Variants in SEMA3A observed in about 807,000 individuals in gnomAD.
SEMA3A encodes semaphorin-3A.
A neutral mutation model predicts 97.9 loss-of-function variants in SEMA3A; 29 were observed. That is an observed-to-expected ratio of 0.30 (90% CI 0.22 to 0.40). SEMA3A has a LOEUF of 0.40. Among genes scored for constraint, SEMA3A ranks in the 10% least tolerant of loss-of-function variants. The pLI is 1.00. For synonymous variants in SEMA3A, 321 were observed against 323.7 expected (o/e 0.99, Z 0.09); for missense variants, 763 against 951.3 (o/e 0.80, Z 2.60).
intron 1 of SEMA3A, among the ~76,000 whole-genome samples, chr7:84,374,002 A>G (rs1056292365): frequency 3.3e-5 from 5 of 152,202 alleles, no homozygotes; most frequent in Non-Finnish European, 7.3e-5. Flanking sequence ...GAAAGGGCCC[A>G]GCTAAAAGAG....
At position 84,208,249 on chromosome 7, in the gene SEMA3A, G is replaced by C. The variant is rs567523989; in HGVS notation, c.-82-13581C>G. The stretch of plus-strand genomic sequence containing the variant: ...GGGCAGATCGTGAGGTCAGGAGATC[G>C]AGACCATCCTGGCTAACATGGTGAA... On this transcript the variant is annotated intron_variant, in intron 3 of 3. Transcript: ENST00000424555. Among the ~76,000 whole-genome samples, 9 of 152,006 alleles carry C rather than the reference G, an allele frequency of 5.9e-5. No individual in the cohort carries two copies. The East Asian group carries it at 1.6e-3, about 26-fold the overall frequency.
intron 3 of SEMA3A, among the ~76,000 whole-genome samples, chr7:84,238,916 C>A (rs992395174): frequency 6.6e-6 from 1 of 151,930 alleles, no homozygotes; most frequent in Non-Finnish European, 1.5e-5. Context: ...AGGGTTTTAC[C>A]ATGTTAGCCA....
At chr7:84,264,430 C>G (rs902980542) in intron 3 of SEMA3A, among the ~76,000 whole-genome samples, 1 of 152,072 alleles carries the variant, frequency 6.6e-6, no homozygotes, top group African/African-American at 2.4e-5. Context: ...AGCCAAGAGT[C>G]TATAACAAAA....
chr7:84,058,101 AAATATTTGC>A (rs144037904), intron 5 of SEMA3A, among the ~76,000 whole-genome samples: 7,678 of 152,194 alleles, frequency 0.05, 290 homozygotes, highest in East Asian at 0.19. Context: ...GTGGTATAAA[AAATATTTGC>A]TGCCAAGATC....
intron 3 of SEMA3A, among the ~76,000 whole-genome samples, chr7:84,243,743 T>C (rs905223804): frequency 6.6e-6 from 1 of 151,914 alleles, no homozygotes; most frequent in Non-Finnish European, 1.5e-5. Context: ...TTTAGTGCTA[T>C]AAATTTCCCT....
intron 2 of SEMA3A, among the ~76,000 whole-genome samples, chr7:84,318,490 T>C (rs1231898540): frequency 5.3e-5 from 8 of 151,254 alleles, no homozygotes; most frequent in Admixed American, 5.3e-4. Flanking sequence ...GCCCGGCTAA[T>C]TTTTTGTATT....
At chr7:84,116,683 A>G (rs1795444002) in intron 3 of SEMA3A, among the ~76,000 whole-genome samples, 1 of 152,146 alleles carries the variant, frequency 6.6e-6, no homozygotes, top group Non-Finnish European at 1.5e-5. Flanking sequence ...ATACATAAGG[A>G]GACATCGGGG....
At chr7:84,382,624 C>T (rs1350735439) in intron 1 of SEMA3A, among the ~76,000 whole-genome samples, 1 of 145,102 alleles carries the variant, frequency 6.9e-6, no homozygotes, top group East Asian at 2.1e-4. Flanking sequence ...TTTGGGAGGC[C>T]AAGGCGGGCA....
Position 83,958,284 on chromosome 7 carries a change from G to C in SEMA3A, c.*3087C>G, listed in dbSNP as rs959691946. Reference sequence around the variant, plus strand: ...CTGACTCTGGTTCTCAACATTTTATGAGCTTATGTTCCTTAACACCATATG... The same window carrying C: ...CTGACTCTGGTTCTCAACATTTTATCAGCTTATGTTCCTTAACACCATATG... On this transcript the variant is annotated 3_prime_UTR_variant, in exon 17 of 17. Transcript: ENST00000265362. The C allele has an allele frequency of 5.2e-5, 8 of 152,390 alleles. No individual in the cohort carries two copies. Among genetic ancestry groups the C allele is most frequent in the Non-Finnish European group, 8.8e-5 (6 of 67,922 alleles). 9.4% of individuals were successfully genotyped at this position (152,390 alleles called of 1,614,324 possible). A position where few individuals can be genotyped will look rare whatever the true frequency, so the allele number is the denominator to read the frequency against.
chr7:84,345,096 G>A (rs1383002574), intron 2 of SEMA3A, among the ~76,000 whole-genome samples: 2 of 152,078 alleles, frequency 1.3e-5, no homozygotes, highest in African/African-American at 4.8e-5. Flanking sequence ...CTGCAATAGA[G>A]CAAATATCTC....
intron 13 of SEMA3A, among the ~76,000 whole-genome samples, chr7:83,983,825 C>G (rs749263911): frequency 6.6e-6 from 1 of 152,138 alleles, no homozygotes; most frequent in Non-Finnish European, 1.5e-5. Context: ...TTCTCACTAT[C>G]CTCCTTAACA....
At chr7:84,452,779 C>T (rs1805590894) in intron 1 of SEMA3A, among the ~76,000 whole-genome samples, 1 of 152,158 alleles carries the variant, frequency 6.6e-6, no homozygotes, top group Non-Finnish European at 1.5e-5. Flanking sequence ...TTCTAGCAAG[C>T]CTATGATGGA....
At chr7:83,962,282 AT>A (rs1788504678) in intron 16 of SEMA3A, among the ~76,000 whole-genome samples, 1 of 152,120 alleles carries the variant, frequency 6.6e-6, no homozygotes, top group Admixed American at 6.5e-5. Context: ...CAAGCAGAAC[AT>A]TTCATGCTTA....
chr7:84,142,446 T>C (rs1206771272), intron 1 of SEMA3A, among the ~76,000 whole-genome samples: 1 of 152,200 alleles, frequency 6.6e-6, no homozygotes, highest in African/African-American at 2.4e-5. Context: ...AGATAGGCTA[T>C]CAGGAATATC....
At chr7:84,063,211 G>T (rs79766948) in intron 4 of SEMA3A, among the ~76,000 whole-genome samples, 18 of 151,506 alleles carry the variant, frequency 1.2e-4, no homozygotes, top group East Asian at 7.9e-4. Context: ...TGAGGGTCCT[G>T]TCTGTTAGAA....
intron 1 of SEMA3A, among the ~76,000 whole-genome samples, chr7:84,143,327 G>A (rs1159854337): frequency 6.6e-6 from 1 of 152,066 alleles, no homozygotes; most frequent in African/African-American, 2.4e-5. Context: ...AAATGAAGAA[G>A]TAACACCAAA....
At chr7:83,966,601 A>C (rs1788701109) in intron 15 of SEMA3A, among the ~76,000 whole-genome samples, 1 of 152,174 alleles carries the variant, frequency 6.6e-6, no homozygotes, top group Non-Finnish European at 1.5e-5. Flanking sequence ...GTTAACTATC[A>C]ATCACGATCA....
intron 1 of SEMA3A, among the ~76,000 whole-genome samples, chr7:84,476,910 AATAAG>A (rs1295486604): frequency 4.3e-4 from 65 of 151,978 alleles, no homozygotes; most frequent in Admixed American, 3.5e-3. Context: ...AGAAAAAAAT[AATAAG>A]ATAACATTTT....
chr7:84,198,273 G>A (rs1006997983), upstream of SEMA3A, among the ~76,000 whole-genome samples: 14 of 151,626 alleles, frequency 9.2e-5, no homozygotes, highest in African/African-American at 3.2e-4. Context: ...TCGACTCACC[G>A]CAACCTCCAC....
Sources: allele counts gnomAD v4.1 joint callset (sites outside exome capture counted in the v4.1 genomes callset), GRCh38; gene constraint gnomAD v4.1.1; transcripts MANE v1.5; gene names NCBI Gene and HGNC (gene_info 2026-07-23, HGNC 2026-07-21).